The following TF variants were observed in gnomAD, a reference collection of about 807,000 sequenced individuals.
The protein encoded by TF is transferrin.
TF carries 55 observed loss-of-function variants against 82.4 expected under a neutral mutation model. The ratio of observed to expected loss-of-function variants is 0.67; its 90% CI spans 0.54 to 0.84. The LOEUF is 0.84. Ranked by LOEUF, TF falls within the 40% of genes least tolerant of loss-of-function variation. The pLI, the probability that TF is intolerant of heterozygous loss-of-function variation, is 0.00. For synonymous variants in TF, 332 were observed against 332.6 expected, an observed-to-expected ratio of 1.00 and a Z score of 0.02; for missense variants, 737 against 868.4, an observed-to-expected ratio of 0.85 and a Z score of 1.90.
chr3:133,738,443 G>A, the TF span, among the ~76,000 whole-genome samples: 1 of 152,138 alleles, frequency 6.6e-6, no homozygotes, highest in Non-Finnish European at 1.5e-5. Context: ...ATTCAACATA[G>A]TATTGAAAGT....
chr3:133,759,225 A>C lies in TF; in HGVS notation c.1099A>C (p.Ser367Arg). 1 of 1,614,160 alleles carries C rather than the reference A, an allele frequency of 6.2e-7. No homozygotes were observed. Among genetic ancestry groups the C allele is most frequent in the East Asian group, 2.2e-5 (1 of 44,882 alleles). ...CAAGCCTGTGAAGTGGTGTGCGCTG[A>C]GCCACCACGAGAGGCTCAAGTGTGA... is the stretch of plus-strand genomic sequence containing the variant. Reference protein sequence around the residue: ...ECKPVKWCALSHHERLKCDEW... With the variant: ...ECKPVKWCALRHHERLKCDEW... The change falls in exon 9 of 17, where the codon AGC becomes CGC. Residue 367 changes from serine to arginine, a missense_variant. By Grantham distance (110) the Ser-to-Arg change is moderately radical (BLOSUM62 -1). Transcript: ENST00000402696.
intron 8 of TF, among the ~76,000 whole-genome samples, 166 bp downstream of exon 8, chr3:133,758,112 T>C (rs1933890811): frequency 6.6e-6 from 1 of 152,222 alleles, no homozygotes; most frequent in Non-Finnish European, 1.5e-5. Context: ...GCGTTAGTCA[T>C]TATGAGATGG....
chr3:133,736,065 G>C, the TF span, among the ~76,000 whole-genome samples: 1 of 152,172 alleles, frequency 6.6e-6, no homozygotes, highest in Non-Finnish European at 1.5e-5. Context: ...GAAAGGTTGG[G>C]TTACCCACAA....
the TF span, among the ~76,000 whole-genome samples, chr3:133,667,928 C>T: frequency 2.2e-4 from 33 of 152,366 alleles, no homozygotes; most frequent in African/African-American, 7.9e-4. Flanking sequence ...TAGCTGCCAT[C>T]TAGATTTGAC....
At chr3:133,716,490 C>A in the TF span, among the ~76,000 whole-genome samples, 2,028 of 152,228 alleles carry the variant, frequency 0.013, 41 homozygotes, top group African/African-American at 0.045. Flanking sequence ...CATATCTCGT[C>A]CATCACCAAA....
the TF span, among the ~76,000 whole-genome samples, chr3:133,700,487 C>T: frequency 6.6e-6 from 1 of 152,200 alleles, no homozygotes; most frequent in Non-Finnish European, 1.5e-5. Context: ...AGAAGAGGAG[C>T]TCAGGAAGTC....
chr3:133,731,565 A>C, the TF span, among the ~76,000 whole-genome samples: 2 of 152,254 alleles, frequency 1.3e-5, no homozygotes. Flanking sequence ...GCAGTCACAC[A>C]GAATAACTTC....
At chr3:133,664,910 G>A in the TF span, 7 of 152,032 alleles carry the variant, frequency 4.6e-5, no homozygotes, top group East Asian at 1.9e-4. Flanking sequence ...ATATGCCCTC[G>A]GAAGCTGAGG....
chr3:133,757,063 G>A, intron 7 of TF, 54 bp downstream of exon 7: 1 of 1,611,282 alleles, frequency 6.2e-7, no homozygotes, highest in Non-Finnish European at 8.5e-7. Context: ...CTTGGATTTG[G>A]GGGTTTTCCT....
At chr3:133,747,332 CAGGGCTTTGTGG>C (rs1933530872) in intron 1 of TF, 1 of 152,322 alleles carries the variant, frequency 6.6e-6, no homozygotes, top group African/African-American at 2.4e-5. Context: ...ACTCTGGAGG[CAGGGCTTTGTGG>C]AGGGGCTGCC....
rs2107919048 is a variant in TF, at chr3:133,759,209, G to C, written c.1083G>C (p.Val361=). 1.2e-6 allele frequency: 2 copies of C among 1,614,156 alleles called. No individual in the cohort carries two copies. The highest frequency in any genetic ancestry group is 2.2e-5 in the South Asian group (2 of 91,068). The change falls in exon 9 of 17, where the codon GTG becomes GTC. Residue 361 remains valine (V), a synonymous_variant. Coordinates refer to ENST00000402696, the MANE Select transcript of TF (RefSeq NM_001063.4). The part of the protein sequence containing the change: ...PEAPTDECKP[V]KWCALSHHER... The stretch of plus-strand genomic sequence containing the variant: ...CCCCAACAGATGAATGCAAGCCTGT[G>C]AAGTGGTGTGCGCTGAGCCACCACG...
At chr3:133,722,021 A>G in the TF span, among the ~76,000 whole-genome samples, 1 of 152,094 alleles carries the variant, frequency 6.6e-6, no homozygotes, top group Non-Finnish European at 1.5e-5. Context: ...CTGAGACTAC[A>G]GATGCTTGCC....
At position 133,759,331 on chromosome 3, in the gene TF, T is replaced by A. The variant is rs1417759379; in HGVS notation, c.1203+2T>A. On this transcript the variant is annotated splice_donor_variant, in intron 9 of 16. Coordinates refer to ENST00000402696, the MANE Select transcript of TF (RefSeq NM_001063.4). LOFTEE classifies it high-confidence loss of function. ...GAAGACTGCATCGCCAAGATCATGG[T>A]ATGTCACTCCAGCCTTCCTAGGGCA... The A allele has an allele frequency of 6.2e-7, 1 of 1,613,484 alleles. No homozygotes were observed. Among genetic ancestry groups the A allele is most frequent in the Non-Finnish European group, 8.5e-7 (1 of 1,179,976 alleles).
chr3:133,700,948 C>T, the TF span: 3 of 152,660 alleles, frequency 2.0e-5, no homozygotes, highest in Non-Finnish European at 4.4e-5. Flanking sequence ...GACAGATCTG[C>T]TGTTTACTGA....
chr3:133,729,266 G>A, the TF span, among the ~76,000 whole-genome samples: 5 of 152,208 alleles, frequency 3.3e-5, no homozygotes, highest in Non-Finnish European at 5.9e-5. Context: ...CAGAGATGGA[G>A]CCTACAAAGG....
the TF span, among the ~76,000 whole-genome samples, chr3:133,670,125 AGCAG>A: frequency 2.0e-5 from 3 of 152,242 alleles, no homozygotes; most frequent in Non-Finnish European, 4.4e-5. Context: ...GGACTATGGA[AGCAG>A]GCTGCCTAGT....
At chr3:133,665,935 CAAA>C in the TF span, among the ~76,000 whole-genome samples, 31 of 52,068 alleles carry the variant, frequency 6.0e-4, no homozygotes, top group Non-Finnish European at 7.2e-4. Flanking sequence ...AACTCCATCT[CAAA>C]AAAAAAAAAA....
intron 14 of TF, chr3:133,774,884 A>G (rs1439902953): frequency 2.9e-6 from 1 of 344,758 alleles, no homozygotes; most frequent in Non-Finnish European, 5.7e-6. Context: ...TTCAGAGACA[A>G]TACAGAAAAG....
intron 10 of TF, 106 bp downstream of exon 10, chr3:133,764,381 C>T (rs141975447): frequency 1.4e-5 from 14 of 975,730 alleles, no homozygotes; most frequent in Non-Finnish European, 2.1e-5. Flanking sequence ...ATAAAGCTTT[C>T]CCTCTCTGAG....
Sources: gnomAD v4.1 joint callset for allele counts (sites outside exome capture counted in the v4.1 genomes callset) on GRCh38, gnomAD v4.1.1 for gene constraint, MANE v1.5 for transcripts, NCBI Gene and HGNC (gene_info 2026-07-23, HGNC 2026-07-21) for gene names.